The following KCNQ3 variants were observed in gnomAD, a reference collection of about 807,000 sequenced individuals.
KCNQ3 encodes potassium voltage-gated channel subfamily Q member 3, also known as potassium voltage-gated channel subfamily KQT member 3.
Under a neutral mutation model 92.5 loss-of-function variants are expected in KCNQ3, and 30 were observed. That is an observed-to-expected ratio of 0.32 (90% CI 0.24 to 0.44). The LOEUF is 0.44. KCNQ3 is among the 20% of genes least tolerant of loss of function. KCNQ3 has a pLI of 1.00. For synonymous variants in KCNQ3, 450 were observed against 468.8 expected (o/e 0.96, Z 0.52); for missense variants, 913 against 1,140.3 (o/e 0.80, Z 2.87).
intron 1 of KCNQ3, among the ~76,000 whole-genome samples, chr8:132,227,057 ACT>A (rs35084623): frequency 0.24 from 32,718 of 136,400 alleles, 3,956 homozygotes; most frequent in African/African-American, 0.34. Context: ...AACATATCTC[ACT>A]CTTTTTTTTT....
intron 1 of KCNQ3, among the ~76,000 whole-genome samples, chr8:132,357,703 G>T (rs906597521): frequency 1.3e-5 from 2 of 152,186 alleles, no homozygotes; most frequent in African/African-American, 4.8e-5. Context: ...CCAAGCTGTT[G>T]CTTCTGTGAT....
intron 1 of KCNQ3, among the ~76,000 whole-genome samples, chr8:132,228,827 T>A (rs1259557361): frequency 6.6e-6 from 1 of 151,408 alleles, no homozygotes; most frequent in Non-Finnish European, 1.5e-5. Context: ...GCCAGGAAGA[T>A]GAAGGCCAGA....
chr8:132,184,347 G>A lies in KCNQ3; in HGVS notation c.498C>T (p.Ile166=). The part of the protein sequence containing the change: ...LLLLETFAIF[I]FGAEFALRIW... ...TCCTCAAAGCAAACTCGGCTCCAAA[G>A]ATGAAAATAGCAAATGTCTCCTGCA... The change falls in exon 3 of 15, where the codon ATC becomes ATT. Residue 166 remains isoleucine, a synonymous_variant. Transcript: ENST00000388996. 4.3e-6 allele frequency: 7 copies of A among 1,614,132 alleles called. No individual in the cohort carries two copies. Among genetic ancestry groups the A allele is most frequent in the Non-Finnish European group, 5.9e-6 (7 of 1,180,014 alleles).
chr8:132,376,374 A>G (rs1819609145), intron 1 of KCNQ3, among the ~76,000 whole-genome samples: 1 of 152,178 alleles, frequency 6.6e-6, no homozygotes, highest in Non-Finnish European at 1.5e-5. Flanking sequence ...GGCAGTCCAC[A>G]ATTGTGCATT....
chr8:132,295,535 G>A (rs878888928), intron 1 of KCNQ3, among the ~76,000 whole-genome samples: 13 of 152,214 alleles, frequency 8.5e-5, no homozygotes, highest in African/African-American at 2.6e-4. Flanking sequence ...ATTACCGGGC[G>A]TATACCCAAA....
chr8:132,361,617 A>G (rs947340616), intron 1 of KCNQ3, among the ~76,000 whole-genome samples: 1 of 152,330 alleles, frequency 6.6e-6, no homozygotes, highest in Middle Eastern at 3.4e-3. Flanking sequence ...TAAAATGAAA[A>G]GGTTAAAAGA....
At chr8:132,304,526 A>G (rs775147020) in intron 1 of KCNQ3, among the ~76,000 whole-genome samples, 2 of 152,180 alleles carry the variant, frequency 1.3e-5, no homozygotes, top group Non-Finnish European at 2.9e-5. Context: ...ACACTGTCCA[A>G]TACAGTAACC....
At chr8:132,151,271 A>G (rs1398636398) in intron 9 of KCNQ3, among the ~76,000 whole-genome samples, 2 of 152,244 alleles carry the variant, frequency 1.3e-5, no homozygotes, top group Admixed American at 1.3e-4. Context: ...AACTGTTACC[A>G]TTATGACATG....
At chr8:132,211,381 T>C (rs1813846606) in intron 1 of KCNQ3, among the ~76,000 whole-genome samples, 1 of 152,220 alleles carries the variant, frequency 6.6e-6, no homozygotes, top group Non-Finnish European at 1.5e-5. Context: ...CTGATAGCAA[T>C]GCAAAAATAA....
intron 1 of KCNQ3, among the ~76,000 whole-genome samples, chr8:132,436,267 A>G (rs1821392692): frequency 6.6e-6 from 1 of 152,250 alleles, no homozygotes; most frequent in South Asian, 2.1e-4. Flanking sequence ...TACCACATTG[A>G]AACACTATAA....
chr8:132,431,275 T>C (rs1821244500), intron 1 of KCNQ3, among the ~76,000 whole-genome samples: 1 of 152,180 alleles, frequency 6.6e-6, no homozygotes, highest in Non-Finnish European at 1.5e-5. Context: ...CTCCCTTCCC[T>C]CCTGCTGCTA....
At position 132,179,932 on chromosome 8, in the gene KCNQ3, C is replaced by G. The variant is rs41272379; in HGVS notation, c.777+225G>C. On this transcript the variant is annotated intron_variant, in intron 4 of 14. Transcript: ENST00000388996. ...TCATTTGCATATGGTGGAGCCAATA[C>G]CTAACCTCAGTTTCACCTGTTCCTG... Among the ~76,000 whole-genome samples, 7,648 of 152,232 alleles carry G rather than the reference C, an allele frequency of 0.05. 307 individuals carry two copies. The highest frequency in any genetic ancestry group is 0.074 in the Non-Finnish European group (5,022 of 68,006).
chr8:132,458,043 T>G (rs1256142486), intron 1 of KCNQ3, among the ~76,000 whole-genome samples: 5 of 152,130 alleles, frequency 3.3e-5, no homozygotes, highest in African/African-American at 1.2e-4. Flanking sequence ...TCCATCCACA[T>G]CCTCCTTATG....
chr8:132,184,213 G>T, intron 3 of KCNQ3, 28 bp downstream of exon 3: 1 of 1,613,964 alleles, frequency 6.2e-7, no homozygotes, highest in Non-Finnish European at 8.5e-7. Flanking sequence ...GAACTGAGGA[G>T]GCTGGGAGGC....
At chr8:132,247,510 G>A (rs1211664531) in intron 1 of KCNQ3, among the ~76,000 whole-genome samples, 1 of 152,048 alleles carries the variant, frequency 6.6e-6, no homozygotes, top group Non-Finnish European at 1.5e-5. Flanking sequence ...AATATGGCCG[G>A]GTGCAGTGGC....
chr8:132,278,551 G>A (rs1816414430), intron 1 of KCNQ3, among the ~76,000 whole-genome samples: 1 of 152,114 alleles, frequency 6.6e-6, no homozygotes, highest in African/African-American at 2.4e-5. Context: ...CAGTTCGATG[G>A]GACTGAAAGT....
intron 1 of KCNQ3, among the ~76,000 whole-genome samples, chr8:132,334,882 A>T (rs565700278): frequency 6.6e-6 from 1 of 152,172 alleles, no homozygotes; most frequent in African/African-American, 2.4e-5. Context: ...GTCATACAAC[A>T]GCCCCCACAC....
intron 1 of KCNQ3, among the ~76,000 whole-genome samples, chr8:132,414,202 T>C (rs1487115949): frequency 6.6e-6 from 1 of 152,168 alleles, no homozygotes; most frequent in Non-Finnish European, 1.5e-5. Context: ...ATTTTCAGCA[T>C]CACAGAGGGG....
At chr8:132,183,837 G>C (rs1339053995) in intron 3 of KCNQ3, among the ~76,000 whole-genome samples, 3 of 152,224 alleles carry the variant, frequency 2.0e-5, no homozygotes, top group African/African-American at 7.2e-5. Flanking sequence ...TTCTCAGCCA[G>C]CAACGGTGTC....
Sources: allele counts gnomAD v4.1 joint callset (sites outside exome capture counted in the v4.1 genomes callset), GRCh38; gene constraint gnomAD v4.1.1; transcripts MANE v1.5; gene names NCBI Gene and HGNC (gene_info 2026-07-23, HGNC 2026-07-21).